The following SGCD variants were observed in gnomAD, a reference collection of about 807,000 sequenced individuals.
The protein encoded by SGCD is delta-sarcoglycan.
Under a neutral mutation model 36.6 loss-of-function variants are expected in SGCD, and 18 were observed. That is an observed-to-expected ratio of 0.49 (90% CI 0.34 to 0.73). The LOEUF (loss-of-function observed/expected upper bound fraction) is 0.73, where lower values mean the gene tolerates loss of function less well. Ranked by LOEUF, SGCD falls within the 30% of genes least tolerant of loss-of-function variation. SGCD has a pLI of 0.01. For synonymous variants in SGCD, 133 were observed against 130.6 expected, an observed-to-expected ratio of 1.02 and a Z score of -0.12; for missense variants, 387 against 346.7, an observed-to-expected ratio of 1.12 and a Z score of -0.92.
intron 3 of SGCD, among the ~76,000 whole-genome samples, chr5:156,374,934 AC>A (rs1316288055): frequency 2.0e-5 from 3 of 152,000 alleles, no homozygotes; most frequent in African/African-American, 7.3e-5. Flanking sequence ...GAAATGAAAC[AC>A]AAGCAAAATG....
chr5:155,903,500 C>T (rs760548215), intron 1 of SGCD, among the ~76,000 whole-genome samples: 6 of 152,150 alleles, frequency 3.9e-5, no homozygotes, highest in Non-Finnish European at 7.4e-5. Flanking sequence ...CATGCCCACC[C>T]ATTATTCCAG....
chr5:156,626,054 TTGCTAC>T (rs1762427602), intron 6 of SGCD, among the ~76,000 whole-genome samples: 1 of 150,688 alleles, frequency 6.6e-6, no homozygotes, highest in Non-Finnish European at 1.5e-5. Flanking sequence ...AGGTGGGGGG[TTGCTAC>T]TGACATCTAA....
intron 5 of SGCD, among the ~76,000 whole-genome samples, chr5:156,593,979 G>A (rs1760826775): frequency 1.3e-5 from 2 of 152,144 alleles, no homozygotes; most frequent in Non-Finnish European, 2.9e-5. Flanking sequence ...CTTTTGATCT[G>A]AGCTAGGTTC....
chr5:156,512,020 C>G (rs1756952755), intron 4 of SGCD, among the ~76,000 whole-genome samples: 1 of 151,926 alleles, frequency 6.6e-6, no homozygotes. Context: ...ATGGTGCAAC[C>G]CTGTCTCTAC....
At chr5:156,553,590 C>A (rs905538121) in intron 4 of SGCD, among the ~76,000 whole-genome samples, 1 of 152,092 alleles carries the variant, frequency 6.6e-6, no homozygotes, top group Admixed American at 6.6e-5. Context: ...CATAAAGAAA[C>A]CCCATACTCA....
At chr5:156,163,682 C>T (rs567579565) in intron 3 of SGCD, among the ~76,000 whole-genome samples, 3 of 151,552 alleles carry the variant, frequency 2.0e-5, no homozygotes, top group Admixed American at 1.3e-4. Context: ...AGAAATGACA[C>T]GAACTGATTT....
At chr5:156,252,160 C>T (rs149988827) in intron 3 of SGCD, among the ~76,000 whole-genome samples, 37 of 151,858 alleles carry the variant, frequency 2.4e-4, no homozygotes, top group African/African-American at 3.9e-4. Context: ...CTCCGCCTCC[C>T]GGGTTCAAGC....
rs186851321 is a variant in SGCD at position 156,013,791 on chromosome 5, A to G, written c.-281-104087A>G. ...TAATTTTATTTATGGTATTTTTTACATATAGCCATTTTTAATGTCTATGTC... is the reference window on the plus strand; with the variant it reads ...TAATTTTATTTATGGTATTTTTTACGTATAGCCATTTTTAATGTCTATGTC... On this transcript the variant is annotated intron_variant, in intron 1 of 9. Transcript: ENST00000517913. Among the ~76,000 whole-genome samples, 31 of 152,248 alleles carry G rather than the reference A, an allele frequency of 2.0e-4. 2 individuals are homozygous for G. Among genetic ancestry groups the G allele is most frequent in the Admixed American group, 1.2e-3 (19 of 15,292 alleles).
chr5:155,751,530 G>T, the SGCD span, among the ~76,000 whole-genome samples: 1 of 152,002 alleles, frequency 6.6e-6, no homozygotes, highest in Non-Finnish European at 1.5e-5. Flanking sequence ...GGGACTACAG[G>T]CACATACCAC....
intron 4 of SGCD, among the ~76,000 whole-genome samples, chr5:156,512,252 A>G (rs1756971934): frequency 6.6e-6 from 1 of 151,592 alleles, no homozygotes; most frequent in Admixed American, 6.6e-5. Context: ...TTCCATGCAT[A>G]TGTATTTTTC....
At chr5:155,972,433 A>G (rs565208456) in intron 1 of SGCD, among the ~76,000 whole-genome samples, 1 of 152,240 alleles carries the variant, frequency 6.6e-6, no homozygotes, top group Non-Finnish European at 1.5e-5. Flanking sequence ...GTATATCTAC[A>G]TCTAACTAAT....
chr5:156,523,355 A>G (rs1172772963), intron 4 of SGCD, among the ~76,000 whole-genome samples: 2 of 152,230 alleles, frequency 1.3e-5, no homozygotes, highest in Non-Finnish European at 2.9e-5. Context: ...CATAAGCACT[A>G]TGAGAAGGAA....
intron 1 of SGCD, among the ~76,000 whole-genome samples, chr5:156,110,684 A>G (rs1761762408): frequency 6.6e-6 from 1 of 152,000 alleles, no homozygotes; most frequent in African/African-American, 2.4e-5. Flanking sequence ...TCTTTCCCAT[A>G]TCCAAGATAA....
chr5:156,582,341 C>A (rs899406406), intron 4 of SGCD, among the ~76,000 whole-genome samples: 2 of 152,170 alleles, frequency 1.3e-5, no homozygotes, highest in African/African-American at 4.8e-5. Context: ...GAACAAAGAT[C>A]TAGTACCTTT....
At chr5:156,253,337 T>C (rs1315234190) in intron 3 of SGCD, among the ~76,000 whole-genome samples, 1 of 152,178 alleles carries the variant, frequency 6.6e-6, no homozygotes, top group Non-Finnish European at 1.5e-5. Context: ...TCTGTATCAA[T>C]GTGCTATCTG....
chr5:156,401,510 G>A (rs77472812), intron 3 of SGCD, among the ~76,000 whole-genome samples: 1,626 of 152,294 alleles, frequency 0.011, 33 homozygotes, highest in African/African-American at 0.037. Context: ...GAGCTGCCAT[G>A]CAGTTAAGAG....
chr5:156,475,238 C>T (rs1248460544), intron 3 of SGCD, among the ~76,000 whole-genome samples: 1 of 152,152 alleles, frequency 6.6e-6, no homozygotes, highest in African/African-American at 2.4e-5. Flanking sequence ...AGGGTCTCTC[C>T]CATGTGCCCA....
chr5:156,404,376 T>C (rs1392565159), intron 3 of SGCD, among the ~76,000 whole-genome samples: 1 of 152,214 alleles, frequency 6.6e-6, no homozygotes, highest in African/African-American at 2.4e-5. Context: ...GAAGATGTCA[T>C]AGGGGAGCCA....
the SGCD span, among the ~76,000 whole-genome samples, chr5:155,792,926 G>T: frequency 2.0e-5 from 3 of 152,030 alleles, no homozygotes; most frequent in Non-Finnish European, 4.4e-5. Flanking sequence ...GAAAATAAAT[G>T]GTTCTACCAA....
Sources: gnomAD v4.1 joint callset for allele counts (sites outside exome capture counted in the v4.1 genomes callset) on GRCh38, gnomAD v4.1.1 for gene constraint, MANE v1.5 for transcripts, NCBI Gene and HGNC (gene_info 2026-07-23, HGNC 2026-07-21) for gene names.